The following LMF1 variants were observed in gnomAD, a reference collection of about 807,000 sequenced individuals.
LMF1 encodes the protein lipase maturation factor 1.
LMF1 carries 68 observed loss-of-function variants against 60.6 expected under a neutral mutation model. The observed-to-expected ratio is 1.12, with a 90% CI of 0.92 to 1.37. The LOEUF is 1.37. LMF1 is among the 40% of genes most tolerant of loss of function. The pLI, the probability that LMF1 is intolerant of heterozygous loss-of-function variation, is 0.00. For synonymous variants in LMF1, 418 were observed against 324.7 expected (o/e 1.29, Z -3.09); for missense variants, 948 against 767.2 (o/e 1.24, Z -2.78).
At chr16:870,681 G>A (rs1429225620) in intron 8 of LMF1, 48 bp downstream of exon 8, 3 of 1,604,004 alleles carry the variant, frequency 1.9e-6, no homozygotes, top group Non-Finnish European at 2.6e-6. Flanking sequence ...TCAGGGCTGA[G>A]TCTCCCCATA....
intron 10 of LMF1, among the ~76,000 whole-genome samples, chr16:857,901 T>A (rs866552773): frequency 6.8e-5 from 4 of 58,656 alleles, no homozygotes; most frequent in African/African-American, 4.2e-4. Flanking sequence ...CAGTGGTGTC[T>A]CGGGATGGGT....
chr16:871,425 A>C, intron 6 of LMF1, 84 bp from the exon 7 acceptor site: 57 of 1,249,824 alleles, frequency 4.6e-5, no homozygotes, highest in Non-Finnish European at 6.0e-5. Context: ...TGGAGCAGGG[A>C]GGGGGGAGGG....
intron 3 of LMF1, 25 bp from the exon 4 acceptor site, chr16:911,104 G>T: frequency 6.2e-7 from 1 of 1,603,832 alleles, no homozygotes; most frequent in Non-Finnish European, 8.5e-7. Context: ...CATACCAAAG[G>T]TGAGTTAATG....
chr16:931,650 C>T (rs754005401), intron 3 of LMF1: 1 of 1,287,138 alleles, frequency 7.8e-7, no homozygotes, highest in Non-Finnish European at 1.0e-6. Flanking sequence ...ACCTCAGTAA[C>T]TGGCAGCTCT....
rs1300749809 is a variant in LMF1, at chr16:970,769, G to A, written c.193+19C>T. 2.0e-6 allele frequency: 3 copies of A among 1,510,734 alleles called. No individual in the cohort carries two copies. Among genetic ancestry groups the A allele is most frequent in the South Asian group, 2.5e-5 (2 of 80,674 alleles). 93.6% of individuals were successfully genotyped at this position (1,510,734 alleles called of 1,614,324 possible). On this transcript the variant is annotated intron_variant, in intron 1 of 10. Coordinates refer to ENST00000262301, the MANE Select transcript of LMF1 (RefSeq NM_022773.4). ...CGGAGGTGACACTGGCGGATGTCCC[G>A]GGCCCGCCCGGCACTCACAGTACAC... is the stretch of plus-strand genomic sequence containing the variant.
intron 3 of LMF1, among the ~76,000 whole-genome samples, chr16:929,858 G>A (rs2071720518): frequency 6.6e-6 from 1 of 152,242 alleles, no homozygotes; most frequent in African/African-American, 2.4e-5. Flanking sequence ...GTGAACGGGG[G>A]CGCACGGCCC....
intron 3 of LMF1, among the ~76,000 whole-genome samples, chr16:924,169 T>C (rs929875580): frequency 5.9e-5 from 9 of 152,258 alleles, no homozygotes; most frequent in African/African-American, 2.2e-4. Flanking sequence ...AACATTAGGG[T>C]GTGTGAGGGC....
intron 3 of LMF1, among the ~76,000 whole-genome samples, chr16:912,398 TA>T (rs1432131042): frequency 1.3e-5 from 2 of 152,192 alleles, no homozygotes; most frequent in African/African-American, 2.4e-5. Context: ...AACTCATCTC[TA>T]CCTGAGATAC....
intron 1 of LMF1, among the ~76,000 whole-genome samples, chr16:964,741 G>T (rs1201515148): frequency 6.6e-6 from 1 of 152,136 alleles, no homozygotes; most frequent in African/African-American, 2.4e-5. Context: ...TAGCAAATAC[G>T]GGTGCAAACG....
chr16:943,862 T>C (rs2072172581), intron 2 of LMF1, among the ~76,000 whole-genome samples: 1 of 152,216 alleles, frequency 6.6e-6, no homozygotes, highest in African/African-American at 2.4e-5. Flanking sequence ...CCCTTTTTTG[T>C]TTCCTGTATA....
chr16:889,857 C>G (rs957596710), intron 5 of LMF1, among the ~76,000 whole-genome samples: 1 of 152,178 alleles, frequency 6.6e-6, no homozygotes, highest in African/African-American at 2.4e-5. Flanking sequence ...CGGGAGGGAG[C>G]ATCCTCGTCC....
rs576380400 is a variant in LMF1 at position 922,157 on chromosome 16, C to T, written c.515-11078G>A. ...CTGGACAGAAAACTTCCAGGCAGATCGGGGCACCCTGTCTCGCAGGCCCAG... is the reference window on the plus strand; with the variant it reads ...CTGGACAGAAAACTTCCAGGCAGATTGGGGCACCCTGTCTCGCAGGCCCAG... On this transcript the variant is annotated intron_variant, in intron 3 of 10. Coordinates refer to ENST00000262301, the MANE Select transcript of LMF1 (RefSeq NM_022773.4). 3.4e-3 allele frequency among the ~76,000 whole-genome samples: 513 copies of T among 152,278 alleles called. 2 individuals carry two copies. Among genetic ancestry groups the T allele is most frequent in the Non-Finnish European group, 5.6e-3 (381 of 68,032 alleles).
intron 2 of LMF1, among the ~76,000 whole-genome samples, chr16:953,134 C>G (rs1229853988): frequency 7.6e-4 from 88 of 116,460 alleles, no homozygotes; most frequent in African/African-American, 2.7e-3. Context: ...TACATATCCA[C>G]ACAGACACCC....
At chr16:887,432 T>G (rs2070341960) in intron 5 of LMF1, among the ~76,000 whole-genome samples, 1 of 152,076 alleles carries the variant, frequency 6.6e-6, no homozygotes, top group Non-Finnish European at 1.5e-5. Flanking sequence ...CAGCTCCTGC[T>G]GGGAGTGTTG....
At chr16:865,887 GTT>G (rs1408127673) in intron 10 of LMF1, among the ~76,000 whole-genome samples, 2 of 152,096 alleles carry the variant, frequency 1.3e-5, no homozygotes, top group Non-Finnish European at 2.9e-5. Context: ...CTATGTTTAA[GTT>G]TATTGATTCT....
rs773247043 is a variant in LMF1 at position 979,079 on chromosome 16, G to C, written c.-135+2066C>G. ...CGTCTGCAGGGCAGGAGCTGTGAGGGTGGCCCGGCTCCATCCTGTGTGGGA... is the reference window on the plus strand; with the variant it reads ...CGTCTGCAGGGCAGGAGCTGTGAGGCTGGCCCGGCTCCATCCTGTGTGGGA... On this transcript the variant is annotated intron_variant, in intron 1 of 6. Coordinates refer to the LMF1 transcript ENST00000570014. The C allele has an allele frequency of 1.3e-5, 6 of 453,890 alleles. 1 individual carries two copies. The highest frequency in any genetic ancestry group is 7.8e-5 in the South Asian group (5 of 64,480). 28.1% of individuals were successfully genotyped at this position (453,890 alleles called of 1,614,324 possible).
intron 10 of LMF1, among the ~76,000 whole-genome samples, chr16:863,166 A>G (rs2069515673): frequency 6.6e-6 from 1 of 152,126 alleles, no homozygotes; most frequent in African/African-American, 2.4e-5. Flanking sequence ...GTCTGTAGTG[A>G]TATCTCTTTT....
intron 3 of LMF1, among the ~76,000 whole-genome samples, chr16:918,689 TCA>T (rs2071344566): frequency 6.6e-6 from 1 of 150,722 alleles, no homozygotes; most frequent in East Asian, 1.9e-4. Flanking sequence ...CCCCGGCCCT[TCA>T]GGCCTTGAGG....
At chr16:910,387 G>A (rs538067618) in intron 4 of LMF1, among the ~76,000 whole-genome samples, 1 of 152,260 alleles carries the variant, frequency 6.6e-6, no homozygotes, top group Non-Finnish European at 1.5e-5. Flanking sequence ...CAGTCTGGTC[G>A]TCCTGAGAGA....
Sources: allele counts gnomAD v4.1 joint callset (sites outside exome capture counted in the v4.1 genomes callset), GRCh38; gene constraint gnomAD v4.1.1; transcripts MANE v1.5; gene names NCBI Gene and HGNC (gene_info 2026-07-23, HGNC 2026-07-21).